Variants in SULT4A1 observed in about 807,000 individuals in gnomAD.
The protein encoded by SULT4A1 is sulfotransferase 4A1.
SULT4A1 carries 11 observed loss-of-function variants against 35.2 expected under a neutral mutation model. That is an observed-to-expected ratio of 0.31 (90% CI 0.20 to 0.52). The LOEUF (loss-of-function observed/expected upper bound fraction) is 0.52, where lower values mean the gene tolerates loss of function less well. Among genes scored for constraint, SULT4A1 ranks in the 20% least tolerant of loss-of-function variants. The pLI, the probability that SULT4A1 is intolerant of heterozygous loss-of-function variation, is 0.97. For missense variants in SULT4A1, 271 were observed against 383.7 expected, an observed-to-expected ratio of 0.71 and a Z score of 2.45; for synonymous variants, 152 against 151.8, an observed-to-expected ratio of 1.00 and a Z score of -0.01.
At chr22:43,841,781 G>C in intron 2 of SULT4A1, 21 bp downstream of exon 2, 1 of 1,608,752 alleles carries the variant, frequency 6.2e-7, no homozygotes, top group East Asian at 2.2e-5. Context: ...TGCTGGGACA[G>C]GTGCTGCTGG....
intron 1 of SULT4A1, among the ~76,000 whole-genome samples, chr22:43,852,722 G>T (rs925098476): frequency 6.6e-6 from 1 of 151,436 alleles, no homozygotes; most frequent in South Asian, 2.1e-4. Flanking sequence ...AGAGCACGAC[G>T]GGAAGCTCTA....
intron 6 of SULT4A1, among the ~76,000 whole-genome samples, chr22:43,828,113 C>T (rs890742395): frequency 3.3e-5 from 5 of 152,356 alleles, no homozygotes; most frequent in African/African-American, 7.2e-5. Flanking sequence ...TGGAGCCCAG[C>T]GCGTCTCTCA....
intron 6 of SULT4A1, chr22:43,826,726 C>T (rs918509017): frequency 7.1e-6 from 7 of 985,316 alleles, no homozygotes; most frequent in Admixed American, 6.1e-5. Context: ...CCTGGCAAAC[C>T]CTGGGGAGGA....
intron 6 of SULT4A1, 125 bp downstream of exon 6, chr22:43,828,935 A>G: frequency 9.0e-7 from 1 of 1,111,062 alleles, no homozygotes; most frequent in East Asian, 2.7e-5. Context: ...TGGGCCAGCT[A>G]CAGACTGCTG....
chr22:43,834,170 C>T (rs2063346634), intron 4 of SULT4A1, among the ~76,000 whole-genome samples: 1 of 152,100 alleles, frequency 6.6e-6, no homozygotes, highest in Non-Finnish European at 1.5e-5. Context: ...GGCAAGAGGG[C>T]GACAGGCAGT....
At chr22:43,842,498 ATGAG>A (rs1397106439) in intron 1 of SULT4A1, among the ~76,000 whole-genome samples, 2 of 152,170 alleles carry the variant, frequency 1.3e-5, no homozygotes, top group Non-Finnish European at 2.9e-5. Context: ...CAGCAATAGA[ATGAG>A]TAAGTTGTGA....
At chr22:43,840,103 G>C in intron 2 of SULT4A1, 78 bp from the exon 3 acceptor site, 6 of 1,028,058 alleles carry the variant, frequency 5.8e-6, no homozygotes, top group African/African-American at 1.6e-5. Context: ...GGGGAAGGGG[G>C]CCAGAGGAGG....
chr22:43,844,815 C>T (rs1262177240), intron 1 of SULT4A1, among the ~76,000 whole-genome samples: 1 of 152,208 alleles, frequency 6.6e-6, no homozygotes, highest in Non-Finnish European at 1.5e-5. Context: ...CGGGACAGGC[C>T]CTCTCCTCCC....
intron 2 of SULT4A1, 43 bp from the exon 3 acceptor site, chr22:43,840,068 A>G: frequency 3.4e-6 from 5 of 1,492,424 alleles, no homozygotes; most frequent in South Asian, 2.4e-5. Flanking sequence ...GGAAAGGGTG[A>G]GACCAAGGGG....
chr22:43,828,733 T>C, intron 6 of SULT4A1: 1 of 301,046 alleles, frequency 3.3e-6, no homozygotes, highest in Non-Finnish European at 6.1e-6. Flanking sequence ...ATCTGCTCTG[T>C]GGGGCGTTTG....
At position 43,862,112 on chromosome 22, in the gene SULT4A1, C is replaced by T. The variant is rs2049477657; in HGVS notation, c.169+102G>A. 3.1e-6 allele frequency: 3 copies of T among 955,944 alleles called. No individual in the cohort carries two copies. In the East Asian group the frequency reaches 1.3e-4, roughly 41 times the overall value. 59.2% of individuals were successfully genotyped at this position (955,944 alleles called of 1,614,324 possible). A position where few individuals can be genotyped will look rare whatever the true frequency, so the allele number is the denominator to read the frequency against. On this transcript the variant is annotated intron_variant, in intron 1 of 6. Coordinates refer to ENST00000330884, the MANE Select transcript of SULT4A1 (RefSeq NM_014351.4). ...CGGCAGGGGCGGAGGCCAAGGGCGA[C>T]CACCCGGCCCAGCAGAAGCCCCGGG...
intron 1 of SULT4A1, among the ~76,000 whole-genome samples, chr22:43,846,864 G>C (rs2063480099): frequency 6.6e-6 from 1 of 152,196 alleles, no homozygotes; most frequent in South Asian, 2.1e-4. Context: ...GCCTCTCCCA[G>C]TGACATTTTC....
chr22:43,825,822 G>T lies in SULT4A1; in HGVS notation c.*179C>A, dbSNP rs1044698573. ...GAGAGGCTGCACGTTCTAAAGGCGA[G>T]ACAGCTGCTTTCGGTTGGGAATCAT... is the stretch of plus-strand genomic sequence containing the variant. On this transcript the variant is annotated 3_prime_UTR_variant, in exon 7 of 7. Transcript: ENST00000330884. 3 of 614,446 alleles carry T rather than the reference G, an allele frequency of 4.9e-6. No individual in the cohort carries two copies. Among genetic ancestry groups the T allele is most frequent in the Non-Finnish European group, 2.8e-6 (1 of 353,186 alleles). The allele number at this position is 614,446 out of a possible 1,614,324, so 38.1% of individuals were successfully genotyped here.
chr22:43,826,127 A>G lies in SULT4A1; in HGVS notation c.743-14T>C. On this transcript the variant is annotated splice_polypyrimidine_tract_variant and intron_variant, in intron 6 of 6. Transcript: ENST00000330884. Reference sequence around the variant, plus strand: ...GCCCAACTCTTCCTGAAACGCAAACAAGAGAACTGCTGGGGCCACTTGCTG... The same window carrying G: ...GCCCAACTCTTCCTGAAACGCAAACGAGAGAACTGCTGGGGCCACTTGCTG... 6.2e-7 allele frequency: 1 copy of G among 1,613,544 alleles called. No individual in the cohort carries two copies. The highest frequency in any genetic ancestry group is 1.1e-5 in the South Asian group (1 of 90,892).
chr22:43,826,372 C>G (rs868690462), intron 6 of SULT4A1: 3 of 985,296 alleles, frequency 3.0e-6, no homozygotes, highest in Non-Finnish European at 1.2e-6. Context: ...CAACCACCTC[C>G]TGGTGCCATT....
At position 43,842,083 on chromosome 22, in the gene SULT4A1, A is replaced by G. The variant is rs2063435677; in HGVS notation, c.170-151T>C. 4 of 1,279,234 alleles carry G rather than the reference A, an allele frequency of 3.1e-6. No homozygotes were observed. The Admixed American group carries it at 1.1e-4, about 36-fold the overall frequency. The allele number at this position is 1,279,234 out of a possible 1,614,324, so 79.2% of individuals were successfully genotyped here. ...GTCTGGGAAGAGGAGCGCGCCCCGC[A>G]CGGTCTCAGCCTGAATCCCCCGTGC... On this transcript the variant is annotated intron_variant, in intron 1 of 6. Transcript: ENST00000330884.
At chr22:43,853,777 A>T (rs537620893) in intron 1 of SULT4A1, among the ~76,000 whole-genome samples, 1 of 152,320 alleles carries the variant, frequency 6.6e-6, no homozygotes, top group South Asian at 2.1e-4. Flanking sequence ...GAGGCTGCCA[A>T]GAGGCTACCA....
chr22:43,829,015 C>T (rs763957067), intron 6 of SULT4A1, 45 bp downstream of exon 6: 30 of 1,471,312 alleles, frequency 2.0e-5, no homozygotes, highest in Middle Eastern at 4.6e-4. Flanking sequence ...AGCAGCCTGG[C>T]TGGGGTGGGG....
chr22:43,829,845 G>A (rs2063313294), intron 5 of SULT4A1, among the ~76,000 whole-genome samples: 1 of 152,184 alleles, frequency 6.6e-6, no homozygotes, highest in Admixed American at 6.5e-5. Flanking sequence ...TCACCTAGAG[G>A]TGCCTTGGTC....
Sources: gnomAD v4.1 joint callset for allele counts (sites outside exome capture counted in the v4.1 genomes callset) on GRCh38, gnomAD v4.1.1 for gene constraint, MANE v1.5 for transcripts, NCBI Gene and HGNC (gene_info 2026-07-23, HGNC 2026-07-21) for gene names.